The following PXDN variants were observed in gnomAD, a reference collection of about 807,000 sequenced individuals.
PXDN encodes peroxidasin homolog.
In PXDN, 77 loss-of-function variants were observed where a neutral mutation model predicts 140.3. The ratio of observed to expected loss-of-function variants is 0.55; its 90% CI spans 0.46 to 0.66. The LOEUF (loss-of-function observed/expected upper bound fraction) is 0.66. Among genes scored for constraint, PXDN ranks in the 30% least tolerant of loss-of-function variants. The probability of loss-of-function intolerance (pLI) is 0.00; values close to 1 mark genes in which losing one functional copy is unlikely to be tolerated. For synonymous variants in PXDN, 911 were observed against 857.4 expected (o/e 1.06, Z -1.09); for missense variants, 1,838 against 2,039.5 (o/e 0.90, Z 1.90).
At position 1,643,476 on chromosome 2, in the gene PXDN, T is replaced by C. The variant is rs749813167; in HGVS notation, c.3844A>G (p.Thr1282Ala). ...CTGAACACGTCGCTCTGCACCCGGG[T>C]GATGTTGTCCGCGTTGTCGCATAGG... ...RILCDNADNI[T>A]RVQSDVFRVA... Residue 1282 changes from threonine (T) to alanine (A), a missense_variant, in exon 19 of 23, where the codon ACC becomes GCC. Physicochemically the swap from Thr to Ala is moderately conservative, Grantham distance 58. This residue lies in a region of PXDN where 850 missense variants were observed against 894.1 expected (regional missense o/e 0.95). Coordinates refer to ENST00000252804, the MANE Select transcript of PXDN (RefSeq NM_012293.3). The C allele has an allele frequency of 2.5e-6, 4 of 1,613,802 alleles. No homozygotes were observed. The highest frequency in any genetic ancestry group is 3.4e-6 in the Non-Finnish European group (4 of 1,179,878).
intron 7 of PXDN, among the ~76,000 whole-genome samples, chr2:1,679,702 ATG>A (rs1203179829): frequency 1.7e-5 from 2 of 117,740 alleles, no homozygotes; most frequent in Admixed American, 9.1e-5. Context: ...CTGTGTCTGC[ATG>A]TGTGTCTATA....
rs889345517 is a variant in PXDN at position 1,712,810 on chromosome 2, C to T, written c.201-19676G>A. 3.9e-5 allele frequency among the ~76,000 whole-genome samples: 6 copies of T among 152,248 alleles called. No homozygotes were observed. The South Asian group carries it at 1.0e-3, about 26-fold the overall frequency. On this transcript the variant is annotated intron_variant, in intron 1 of 22. Transcript: ENST00000252804. ...TGCAATCTCGGCTCCCTGCAACCTC[C>T]GCCTCCAAGGTTCAAGCAATTCTCC...
chr2:1,689,988 T>G (rs1684149813), intron 3 of PXDN, among the ~76,000 whole-genome samples: 1 of 152,194 alleles, frequency 6.6e-6, no homozygotes, highest in African/African-American at 2.4e-5. Context: ...CAAGTATAGT[T>G]TGGTACTGAC....
chr2:1,716,271 C>G (rs1036908387), intron 1 of PXDN, among the ~76,000 whole-genome samples: 1 of 151,922 alleles, frequency 6.6e-6, no homozygotes, highest in Non-Finnish European at 1.5e-5. Context: ...AACCCCATCT[C>G]TTATAAAAAT....
intron 1 of PXDN, among the ~76,000 whole-genome samples, chr2:1,700,355 T>C (rs1192901068): frequency 6.6e-6 from 1 of 152,130 alleles, no homozygotes; most frequent in Non-Finnish European, 1.5e-5. Context: ...AGCCACCACA[T>C]CCAGCCATTG....
At chr2:1,653,936 G>A in intron 15 of PXDN, 151 bp from the exon 16 acceptor site, 1 of 941,468 alleles carries the variant, frequency 1.1e-6, no homozygotes. Context: ...CGAAGTGGGA[G>A]GCAACAAAAC....
chr2:1,679,004 C>A (rs950436004), intron 7 of PXDN, among the ~76,000 whole-genome samples: 1 of 151,986 alleles, frequency 6.6e-6, no homozygotes, highest in African/African-American at 2.4e-5. Context: ...AAAAAAAAAA[C>A]TGTGTATTTT....
intron 9 of PXDN, 110 bp downstream of exon 9, chr2:1,673,533 C>T: frequency 2.1e-6 from 3 of 1,414,962 alleles, no homozygotes; most frequent in African/African-American, 1.4e-5. Flanking sequence ...GGAGCTTCAA[C>T]TTCAGACTTC....
chr2:1,732,784 G>A (rs1053327292), intron 1 of PXDN, among the ~76,000 whole-genome samples: 1 of 152,190 alleles, frequency 6.6e-6, no homozygotes, highest in South Asian at 2.1e-4. Flanking sequence ...AATCCCTATT[G>A]AGAAGATTAA....
chr2:1,692,772 G>C (rs1342182241), intron 2 of PXDN, among the ~76,000 whole-genome samples: 1 of 152,202 alleles, frequency 6.6e-6, no homozygotes, highest in African/African-American at 2.4e-5. Context: ...AGCAAGGACT[G>C]AGTGATTCTA....
Position 1,648,590 on chromosome 2 carries a change from C to T in PXDN, c.3190G>A (p.Ala1064Thr), listed in dbSNP as rs202132697. 2.4e-3 allele frequency: 3,852 copies of T among 1,609,374 alleles called. 7 individuals carry two copies. Among genetic ancestry groups the T allele is most frequent in the Non-Finnish European group, 2.7e-3 (3,234 of 1,178,550 alleles). Reference sequence around the variant, plus strand: ...AACCTGAAGGCCGCGGTGGCGAAGGCGTTGAAGATGCCAGCATTGATGCCG... The same window carrying T: ...AACCTGAAGGCCGCGGTGGCGAAGGTGTTGAAGATGCCAGCATTGATGCCG... The part of the protein sequence containing the change: ...DPGINAGIFN[A>T]FATAAFRFGH... Residue 1064 changes from alanine (A) to threonine (T), a missense_variant, in exon 17 of 23, where the codon GCC (alanine) becomes ACC (threonine). Ala to Thr is a moderately conservative substitution (Grantham distance 58). Around this residue, in one of 5 missense-constraint regions of PXDN, gnomAD observed 850 missense variants for 894.1 expected, o/e 0.95. Coordinates refer to ENST00000252804, the MANE Select transcript of PXDN (RefSeq NM_012293.3). The surrounding 1 kb of genome is among the most constrained non-coding windows in gnomAD (Gnocchi z 8.9).
chr2:1,683,223 GAA>G, intron 6 of PXDN, among the ~76,000 whole-genome samples: 1 of 145,362 alleles, frequency 6.9e-6, no homozygotes, highest in Admixed American at 6.9e-5. Context: ...CACAAAAAAA[GAA>G]AAAAAGAAAG....
intron 1 of PXDN, among the ~76,000 whole-genome samples, chr2:1,739,349 G>A (rs1036221311): frequency 6.6e-6 from 1 of 152,064 alleles, no homozygotes; most frequent in African/African-American, 2.4e-5. Flanking sequence ...GGGAGAAAAC[G>A]ATAGAATATC....
At chr2:1,674,003 C>T (rs1259040458) in intron 8 of PXDN, among the ~76,000 whole-genome samples, 191 bp from the exon 9 acceptor site, 2 of 152,174 alleles carry the variant, frequency 1.3e-5, no homozygotes, top group Non-Finnish European at 2.9e-5. Flanking sequence ...CGTGTATTTG[C>T]ACATCTCATT....
chr2:1,706,702 C>T lies in PXDN; in HGVS notation c.201-13568G>A, dbSNP rs79736360. Among the ~76,000 whole-genome samples the T allele has an allele frequency of 1.2e-3, 67 of 57,206 alleles. 1 individual carries two copies. Among genetic ancestry groups the T allele is most frequent in the Middle Eastern group, 0.011 (1 of 94 alleles). The allele number at this position is 57,206 out of a possible 152,430, so 37.5% of individuals were successfully genotyped here. On this transcript the variant is annotated intron_variant, in intron 1 of 22. Transcript: ENST00000252804. Reference sequence around the variant, plus strand: ...ATCGCCTGCCCCACTAATAATACAACCTGAGAGCACGCTGCAGTGTTCACC... The same window carrying T: ...ATCGCCTGCCCCACTAATAATACAATCTGAGAGCACGCTGCAGTGTTCACC...
Position 1,644,680 on chromosome 2 carries a change from CCGG to C in PXDN, c.3678_3680del (p.Ser1226del). The C allele has an allele frequency of 6.2e-7, 1 of 1,605,154 alleles. No individual in the cohort carries two copies. The highest frequency in any genetic ancestry group is 2.2e-5 in the East Asian group (1 of 44,556). On this transcript the variant is annotated inframe_deletion, in exon 18 of 23. Transcript: ENST00000252804. Reference sequence around the variant, plus strand: ...GAAGACACATCAGGGTGGGGCCCAGCCGGCTGCCAGGCACCAGGTCCTCCACCA... The same window carrying C: ...GAAGACACATCAGGGTGGGGCCCAGCCTGCCAGGCACCAGGTCCTCCACCA...
chr2:1,739,885 G>C (rs1685501685), intron 1 of PXDN, among the ~76,000 whole-genome samples: 1 of 152,356 alleles, frequency 6.6e-6, no homozygotes, highest in East Asian at 1.9e-4. Context: ...GTATTTGCGT[G>C]GCAATAATAA....
chr2:1,642,512 G>C (rs557715643), intron 19 of PXDN, among the ~76,000 whole-genome samples: 7 of 152,262 alleles, frequency 4.6e-5, no homozygotes, highest in Admixed American at 4.6e-4. Flanking sequence ...CCCACCTCCC[G>C]GTCACGCTCA....
intron 1 of PXDN, among the ~76,000 whole-genome samples, chr2:1,736,543 A>G (rs1025468720): frequency 6.6e-6 from 1 of 152,320 alleles, no homozygotes; most frequent in East Asian, 1.9e-4. Flanking sequence ...ATTACAAGCC[A>G]GCCACATGGC....
Sources: gnomAD v4.1 joint callset for allele counts (sites outside exome capture counted in the v4.1 genomes callset) on GRCh38, gnomAD v4.1.1 for gene constraint, gnomAD v4.1.1 regional missense constraint, Gnocchi (gnomAD v3.1) non-coding constraint, MANE v1.5 for transcripts, NCBI Gene and HGNC (gene_info 2026-07-23, HGNC 2026-07-21) for gene names.